Variants in ANO3 observed in about 807,000 individuals in gnomAD.
ANO3 encodes the protein anoctamin-3.
ANO3 carries 99 observed loss-of-function variants against 144.8 expected under a neutral mutation model. The observed-to-expected ratio is 0.68, with a 90% CI of 0.58 to 0.81. The LOEUF (loss-of-function observed/expected upper bound fraction) is 0.81. Among genes scored for constraint, ANO3 ranks in the 30% least tolerant of loss-of-function variants. The pLI, the probability that ANO3 is intolerant of heterozygous loss-of-function variation, is 0.00. For missense variants in ANO3, 905 were observed against 1,202.2 expected (o/e 0.75, Z 3.66); for synonymous variants, 414 against 392.6 (o/e 1.05, Z -0.64).
chr11:26,245,018 T>TGCGTGC (rs1554928313), intron 1 of ANO3, among the ~76,000 whole-genome samples: 86 of 145,426 alleles, frequency 5.9e-4, no homozygotes, highest in African/African-American at 2.0e-3. Context: ...TGTGTGTGTG[T>TGCGTGC]GTGCATGCAT....
chr11:26,516,990 A>G, intron 6 of ANO3, 63 bp downstream of exon 6: 1 of 944,400 alleles, frequency 1.1e-6, no homozygotes. Flanking sequence ...TCTTTGCATC[A>G]CCTTAGAGCA....
rs758786495 is a variant in ANO3, at chr11:26,241,644, AATAG to A, written c.154+52319_154+52322del. On this transcript the variant is annotated intron_variant, in intron 1 of 27. Coordinates refer to the ANO3 transcript ENST00000672621. ...AAAAAGTGTCATTATAGTAACAATT[AATAG>A]ATAGTATTGGCAGAACATTTATTAC... 9.9e-5 allele frequency among the ~76,000 whole-genome samples: 15 copies of A among 152,218 alleles called. No homozygotes were observed. The East Asian group carries it at 1.5e-3, about 16-fold the overall frequency.
chr11:26,411,101 A>C (rs980056220), intron 1 of ANO3, among the ~76,000 whole-genome samples: 1 of 152,024 alleles, frequency 6.6e-6, no homozygotes, highest in African/African-American at 2.4e-5. Flanking sequence ...GTAACATGTC[A>C]CATAGAAAAC....
In ANO3 at chr11:26,441,966, C is replaced by T. The variant is rs758733002; in HGVS notation, c.95C>T (p.Pro32Leu). The T allele has an allele frequency of 2.5e-6, 4 of 1,613,780 alleles. No homozygotes were observed. The highest frequency in any genetic ancestry group is 1.3e-5 in the African/African-American group (1 of 74,874). The change falls in exon 2 of 27, where the codon CCG (proline) becomes CTG (leucine). Residue 32 changes from proline (P) to leucine (L), a missense_variant. Pro to Leu is a moderately conservative substitution (Grantham distance 98, BLOSUM62 -3). Around this residue, in one of 4 missense-constraint regions of ANO3, gnomAD observed 174 missense variants for 171.9 expected, o/e 1.01. Transcript: ENST00000256737. ...SEITKETSLK[P>L]SRRSLPCLAQ... ...ATAACAAAAGAAACTTCGTTAAAAC[C>T]GTCTCGGAGATCCCTGCCTTGCCTC...
intron 1 of ANO3, among the ~76,000 whole-genome samples, chr11:26,369,653 C>T (rs1388547033): frequency 3.9e-5 from 6 of 151,936 alleles, no homozygotes; most frequent in African/African-American, 4.8e-5. Context: ...TTAACAATAC[C>T]AACAAATTAA....
chr11:26,204,635 A>T (rs1851762298), intron 1 of ANO3, among the ~76,000 whole-genome samples: 1 of 152,082 alleles, frequency 6.6e-6, no homozygotes, highest in Admixed American at 6.6e-5. Context: ...CACTCTCTGG[A>T]GTAGTTTTCC....
chr11:26,635,745 T>C (rs1053359271), intron 20 of ANO3, among the ~76,000 whole-genome samples: 2 of 152,250 alleles, frequency 1.3e-5, no homozygotes, highest in Non-Finnish European at 2.9e-5. Flanking sequence ...TTGAACATTT[T>C]ATATTTCTGT....
intron 4 of ANO3, among the ~76,000 whole-genome samples, chr11:26,499,751 T>C (rs1318454637): frequency 6.6e-6 from 1 of 151,974 alleles, no homozygotes; most frequent in Non-Finnish European, 1.5e-5. Flanking sequence ...TATAGTCTCA[T>C]GCATTTTACA....
At chr11:26,560,047 TAAAAAC>T (rs1850225978) in intron 14 of ANO3, 1 of 336,246 alleles carries the variant, frequency 3.0e-6, no homozygotes, top group Admixed American at 4.5e-5. Flanking sequence ...AGGTGGTAAT[TAAAAAC>T]AAACTGAAAC....
chr11:26,214,957 T>A (rs1852007433), intron 1 of ANO3, among the ~76,000 whole-genome samples: 1 of 151,890 alleles, frequency 6.6e-6, no homozygotes, highest in Non-Finnish European at 1.5e-5. Context: ...GATATTTGTT[T>A]TATACCCATT....
At chr11:26,463,379 T>G (rs1477171244) in intron 4 of ANO3, among the ~76,000 whole-genome samples, 1 of 151,896 alleles carries the variant, frequency 6.6e-6, no homozygotes, top group East Asian at 1.9e-4. Context: ...TAATCTGAAA[T>G]GTAAAATTAT....
chr11:26,236,456 T>C (rs1852524453), intron 1 of ANO3, among the ~76,000 whole-genome samples: 1 of 152,146 alleles, frequency 6.6e-6, no homozygotes, highest in South Asian at 2.1e-4. Flanking sequence ...AATAAAAATA[T>C]TTTTAAAAGA....
At chr11:26,348,870 C>T (rs2133909634) in intron 1 of ANO3, among the ~76,000 whole-genome samples, 1 of 152,276 alleles carries the variant, frequency 6.6e-6, no homozygotes, top group African/African-American at 2.4e-5. Flanking sequence ...ACGGGGTGTA[C>T]ACCAGGTAAT....
chr11:26,600,925 C>A (rs919751238), intron 17 of ANO3, among the ~76,000 whole-genome samples: 11 of 151,980 alleles, frequency 7.2e-5, no homozygotes, highest in Non-Finnish European at 1.6e-4. Flanking sequence ...GACTTGTGGA[C>A]CAAATATCCA....
At chr11:26,449,767 T>C (rs1381981282) in intron 3 of ANO3, among the ~76,000 whole-genome samples, 5 of 149,022 alleles carry the variant, frequency 3.4e-5, no homozygotes, top group African/African-American at 7.4e-5. Context: ...TTTTTTTTTC[T>C]TTTGAGATGG....
intron 1 of ANO3, among the ~76,000 whole-genome samples, chr11:26,195,144 C>G (rs969721479): frequency 1.3e-5 from 2 of 152,128 alleles, no homozygotes; most frequent in Admixed American, 1.3e-4. Context: ...GGTGGCTGCA[C>G]GAGGACCTTG....
chr11:26,574,046 G>A (rs1218781299), intron 14 of ANO3, among the ~76,000 whole-genome samples: 1 of 152,166 alleles, frequency 6.6e-6, no homozygotes, highest in African/African-American at 2.4e-5. Flanking sequence ...ACTCCACAAT[G>A]AGAGATAATT....
intron 4 of ANO3, among the ~76,000 whole-genome samples, chr11:26,495,252 G>C (rs1860884948): frequency 1.4e-5 from 2 of 147,402 alleles, no homozygotes; most frequent in Admixed American, 1.4e-4. Context: ...ATACAGACGT[G>C]CCACCACGGC....
intron 17 of ANO3, among the ~76,000 whole-genome samples, chr11:26,619,641 A>G (rs1348746186): frequency 2.0e-5 from 3 of 151,858 alleles, no homozygotes; most frequent in East Asian, 3.9e-4. Flanking sequence ...TAATTTTTGT[A>G]TTTTTAGTAG....
Sources: gnomAD v4.1 joint callset for allele counts (sites outside exome capture counted in the v4.1 genomes callset) on GRCh38, gnomAD v4.1.1 for gene constraint, gnomAD v4.1.1 regional missense constraint, MANE v1.5 for transcripts, NCBI Gene and HGNC (gene_info 2026-07-23, HGNC 2026-07-21) for gene names.